The following GRIA3 variants were observed in gnomAD, a reference collection of about 807,000 sequenced individuals.
GRIA3 encodes the protein glutamate ionotropic receptor AMPA type subunit 3.
A neutral mutation model predicts 63.0 loss-of-function variants in GRIA3; 3 were observed. The observed-to-expected ratio is 0.05, with a 90% CI of 0.02 to 0.12. The LOEUF is 0.12. Ranked by LOEUF, GRIA3 falls within the 10% of genes least tolerant of loss-of-function variation. The pLI is 1.00. For missense variants in GRIA3, 347 were observed against 700.9 expected, an observed-to-expected ratio of 0.50 and a Z score of 5.70; for synonymous variants, 274 against 257.9, an observed-to-expected ratio of 1.06 and a Z score of -0.60.
chrX:123,325,032 A>G (rs2044892297), intron 3 of GRIA3, among the ~76,000 whole-genome samples: 1 of 112,336 alleles, frequency 8.9e-6, no homozygotes, highest in Admixed American at 9.5e-5. Context: ...CATTACTTGA[A>G]TATAAATGAA....
Position 123,417,681 on chromosome X carries a change from C to G in GRIA3, c.1780C>G (p.Gln594Glu), listed in dbSNP as rs2045543630. Reference sequence around the variant, plus strand: ...CAACAATGAAGAACCTCGTGACCCACAAAGTCCTCCTGATCCTCCAAATGA... The same window carrying G: ...CAACAATGAAGAACCTCGTGACCCAGAAAGTCCTCCTGATCCTCCAAATGA... ...EDNNEEPRDP[Q>E]SPPDPPNEFG... Residue 594 changes from glutamine to glutamate, a missense_variant, in exon 11 of 16, where the codon CAA (glutamine) becomes GAA (glutamate). Physicochemically the swap from Gln to Glu is conservative, Grantham distance 29 (BLOSUM62 2). Around this residue, in one of 8 missense-constraint regions of GRIA3, gnomAD observed 19 missense variants for 30.9 expected, o/e 0.61. Transcript: ENST00000620443. The G allele has an allele frequency of 1.7e-6, 2 of 1,175,798 alleles. No homozygotes were observed. The highest frequency in any genetic ancestry group is 4.0e-5 in the South Asian group (2 of 50,621).
At chrX:123,304,266 C>A (rs2044741817) in intron 3 of GRIA3, among the ~76,000 whole-genome samples, 3 of 111,660 alleles carry the variant, frequency 2.7e-5, no homozygotes, top group Admixed American at 9.6e-5. Context: ...GCATTCAATT[C>A]TACATATGTT....
chrX:123,244,423 A>C (rs2044346656), intron 2 of GRIA3, among the ~76,000 whole-genome samples: 1 of 112,137 alleles, frequency 8.9e-6, no homozygotes, highest in Non-Finnish European at 1.9e-5. Context: ...CAGGCTAAAC[A>C]CAAATAACTC....
At position 123,253,437 on chromosome X, in the gene GRIA3, G is replaced by A. The variant is rs371539507; in HGVS notation, c.403G>A (p.Val135Met). ...VTPSFPTDADVQFVIQMRPAL... is the reference protein window; with the variant it reads ...VTPSFPTDADMQFVIQMRPAL... ...GCCTAGCTTCCCCACTGACGCAGATGTGCAGTTTGTCATCCAGATGCGCCC... is the reference window on the plus strand; with the variant it reads ...GCCTAGCTTCCCCACTGACGCAGATATGCAGTTTGTCATCCAGATGCGCCC... The change falls in exon 3 of 16, where the codon GTG becomes ATG. Residue 135 changes from valine (V) to methionine (M), a missense_variant. Transcript: ENST00000620443. 4.1e-6 allele frequency: 5 copies of A among 1,211,126 alleles called. No homozygotes were observed. Among genetic ancestry groups the A allele is most frequent in the African/African-American group, 1.7e-5 (1 of 57,726 alleles).
chrX:123,339,735 A>T (rs1471297187), intron 4 of GRIA3, among the ~76,000 whole-genome samples: 1 of 112,526 alleles, frequency 8.9e-6, no homozygotes, highest in Non-Finnish European at 1.9e-5. Flanking sequence ...ATGTGTCAGC[A>T]TGAACGCTAG....
intron 2 of GRIA3, among the ~76,000 whole-genome samples, chrX:123,190,537 T>C (rs777663746): frequency 2.7e-5 from 3 of 111,661 alleles, no homozygotes; most frequent in African/African-American, 9.8e-5. Flanking sequence ...GTGAGCTTCC[T>C]GCAAAGTGTA....
intron 4 of GRIA3, among the ~76,000 whole-genome samples, chrX:123,338,807 C>T (rs777312005): frequency 2.3e-4 from 26 of 112,231 alleles, no homozygotes; most frequent in Non-Finnish European, 4.3e-4. Context: ...GCCTCGGCCT[C>T]CCAAAGTGCT....
chrX:123,259,515 A>G (rs5020664), intron 3 of GRIA3, among the ~76,000 whole-genome samples: 2,805 of 61,242 alleles, frequency 0.046, 93 homozygotes, highest in African/African-American at 0.14. Flanking sequence ...ATGCGCGCGC[A>G]CACACACACA....
intron 2 of GRIA3, chrX:123,202,488 G>A: frequency 2.0e-6 from 1 of 502,712 alleles, no homozygotes; most frequent in Non-Finnish European, 3.2e-6. Flanking sequence ...CAGAATGTTG[G>A]CTGCCTTCCC....
intron 5 of GRIA3, among the ~76,000 whole-genome samples, chrX:123,364,160 T>A (rs1415637690): frequency 8.9e-6 from 1 of 112,375 alleles, no homozygotes; most frequent in African/African-American, 3.2e-5. Context: ...CAACCCTTAA[T>A]TATTAAAATC....
intron 2 of GRIA3, among the ~76,000 whole-genome samples, chrX:123,190,598 C>T (rs1460030877): frequency 9.0e-6 from 1 of 111,214 alleles, no homozygotes. Flanking sequence ...TCAGGGGGGA[C>T]AGCAGCAAGA....
intron 3 of GRIA3, among the ~76,000 whole-genome samples, chrX:123,303,424 G>A (rs2044735787): frequency 9.0e-6 from 1 of 110,769 alleles, no homozygotes; most frequent in South Asian, 3.8e-4. Context: ...TACCCAGCAG[G>A]ATATCTACTG....
chrX:123,291,573 A>T (rs1213984035), intron 3 of GRIA3, among the ~76,000 whole-genome samples: 2 of 111,448 alleles, frequency 1.8e-5, no homozygotes, highest in Non-Finnish European at 3.8e-5. Flanking sequence ...AATTATTTTT[A>T]AAAAAAGAAA....
chrX:123,210,778 A>G (rs377358094), intron 2 of GRIA3, among the ~76,000 whole-genome samples: 27 of 112,072 alleles, frequency 2.4e-4, no homozygotes, highest in African/African-American at 7.8e-4. Flanking sequence ...ATACATGTTT[A>G]ATACATGCTT....
chrX:123,440,504 T>C (rs982538611), intron 12 of GRIA3, among the ~76,000 whole-genome samples: 2 of 112,730 alleles, frequency 1.8e-5, no homozygotes, highest in African/African-American at 6.4e-5. Flanking sequence ...TGGTGTGAGA[T>C]GGTATCTCAT....
chrX:123,253,261 A>G, intron 2 of GRIA3, 42 bp from the exon 3 acceptor site: 2 of 1,194,729 alleles, frequency 1.7e-6, no homozygotes, highest in Non-Finnish European at 1.1e-6. Flanking sequence ...GCAGCAAAGG[A>G]CCATGGAGCT....
In GRIA3 at chrX:123,395,081, G is replaced by A; in HGVS notation, c.864G>A (p.Val288=). 1 of 1,207,337 alleles carries A rather than the reference G, an allele frequency of 8.3e-7. No homozygotes were observed. The highest frequency in any genetic ancestry group is 1.8e-5 in the South Asian group (1 of 56,873). The part of the protein sequence containing the change: ...PMVQQFIQRW[V]RLDEREFPEA... ...TTCAGCAGTTCATACAGCGCTGGGT[G>A]AGGCTGGATGAAAGGGAATTCCCTG... is the stretch of plus-strand genomic sequence containing the variant. The change falls in exon 6 of 16, where the codon GTG becomes GTA. Residue 288 remains valine (V), a synonymous_variant. Transcript: ENST00000620443.
At chrX:123,302,867 T>C (rs1192697076) in intron 3 of GRIA3, among the ~76,000 whole-genome samples, 2 of 111,027 alleles carry the variant, frequency 1.8e-5, no homozygotes, top group Admixed American at 9.6e-5. Context: ...GGCGTACCCC[T>C]TAGCAATTCT....
At chrX:123,464,107 G>A (rs1431085679) in intron 12 of GRIA3, among the ~76,000 whole-genome samples, 3 of 110,212 alleles carry the variant, frequency 2.7e-5, no homozygotes, top group African/African-American at 3.3e-5. Flanking sequence ...TTAAAGAACC[G>A]TTGTACATTA....
Sources: gnomAD v4.1 joint callset for allele counts (sites outside exome capture counted in the v4.1 genomes callset) on GRCh38, gnomAD v4.1.1 for gene constraint, gnomAD v4.1.1 regional missense constraint, MANE v1.5 for transcripts, NCBI Gene and HGNC (gene_info 2026-07-23, HGNC 2026-07-21) for gene names.